Variants in CEP63 observed in about 807,000 individuals in gnomAD.
The protein encoded by CEP63 is centrosomal protein 63, also known as centrosomal protein of 63 kDa.
In CEP63, 84 loss-of-function variants were observed where a neutral mutation model predicts 89.1. The observed-to-expected ratio is 0.94, with a 90% CI of 0.79 to 1.13. The LOEUF (loss-of-function observed/expected upper bound fraction) is 1.13, where lower values mean the gene tolerates loss of function less well. Ranked by LOEUF, CEP63 falls within the 50% of genes most tolerant of loss-of-function variation. The pLI, the probability that CEP63 is intolerant of heterozygous loss-of-function variation, is 0.00. For synonymous variants in CEP63, 267 were observed against 272.5 expected (o/e 0.98, Z 0.20); for missense variants, 838 against 813.3 (o/e 1.03, Z -0.37).
rs1953290250 is a variant in CEP63, at chr3:134,546,248, G to A, written c.889G>A (p.Val297Ile). The change falls in exon 8 of 15, where the codon GTA becomes ATA. Residue 297 changes from valine (V) to isoleucine (I), a missense_variant. Val to Ile is a conservative substitution (Grantham distance 29). Transcript: ENST00000675561. The part of the protein sequence containing the change: ...RIQKEKLQEK[V>I]KATNTQHAVE... ...ACAAAAGGAGAAGTTACAAGAAAAA[G>A]TAAAGGCAACTAACACTCAACATGC... is the stretch of plus-strand genomic sequence containing the variant. The A allele has an allele frequency of 6.2e-7, 1 of 1,613,754 alleles. No individual in the cohort carries two copies. Among genetic ancestry groups the A allele is most frequent in the Admixed American group, 1.7e-5 (1 of 60,002 alleles).
intron 2 of CEP63, among the ~76,000 whole-genome samples, chr3:134,501,721 A>C (rs1218862387): frequency 6.6e-6 from 1 of 152,178 alleles, no homozygotes; most frequent in Non-Finnish European, 1.5e-5. Flanking sequence ...AGGTCTAGGA[A>C]CATTTTGGTA....
chr3:134,486,327 G>C, intron 1 of CEP63, 125 bp downstream of exon 1: 1 of 985,558 alleles, frequency 1.0e-6, no homozygotes, highest in Non-Finnish European at 1.2e-6. Flanking sequence ...GGTGATTCTG[G>C]CTTCGCGGCC....
chr3:134,617,518 TG>T, the CEP63 span, among the ~76,000 whole-genome samples: 1 of 152,222 alleles, frequency 6.6e-6, no homozygotes, highest in Middle Eastern at 3.2e-3. Context: ...AGGTAATTCC[TG>T]TATGCACAGA....
At chr3:134,707,173 G>A in the CEP63 span, among the ~76,000 whole-genome samples, 2 of 152,154 alleles carry the variant, frequency 1.3e-5, no homozygotes, top group African/African-American at 2.4e-5. Context: ...TCTGCACTAG[G>A]TTCTGTCCTA....
At chr3:134,505,985 T>G (rs1210108196) in intron 2 of CEP63, among the ~76,000 whole-genome samples, 1 of 152,164 alleles carries the variant, frequency 6.6e-6, no homozygotes, top group Non-Finnish European at 1.5e-5. Flanking sequence ...TTGGGGGGAC[T>G]TTTTTTGGGT....
the CEP63 span, among the ~76,000 whole-genome samples, chr3:134,698,925 C>T: frequency 6.6e-6 from 1 of 152,198 alleles, no homozygotes; most frequent in Non-Finnish European, 1.5e-5. Context: ...TCAGCACGTC[C>T]TGAATAGATC....
intron 11 of CEP63, among the ~76,000 whole-genome samples, chr3:134,571,760 G>GA (rs1958020891): frequency 6.6e-6 from 1 of 152,146 alleles, no homozygotes. Flanking sequence ...ATTCAGTTAT[G>GA]AAAACCTAAG....
At chr3:134,486,630 G>C in intron 1 of CEP63, 1 of 813,752 alleles carries the variant, frequency 1.2e-6, no homozygotes. Flanking sequence ...AGAGACCCCA[G>C]TGCGGCCTCC....
downstream of CEP63, among the ~76,000 whole-genome samples, chr3:134,579,069 C>T (rs1041156319): frequency 6.6e-6 from 1 of 152,222 alleles, no homozygotes; most frequent in African/African-American, 2.4e-5. Flanking sequence ...CACACCATTT[C>T]TTTAGCAGAA....
chr3:134,559,536 A>ATCATAAGTACTCTTCATTATT (rs1387951964), intron 14 of CEP63, 107 bp downstream of exon 14: 1 of 925,838 alleles, frequency 1.1e-6, no homozygotes, highest in African/African-American at 1.7e-5. Flanking sequence ...TGATTCTTTT[A>ATCATAAGTACTCTTCATTATT]TCATAAGTAC....
chr3:134,768,279 T>C, the CEP63 span, among the ~76,000 whole-genome samples: 3 of 152,070 alleles, frequency 2.0e-5, no homozygotes, highest in African/African-American at 4.8e-5. Flanking sequence ...GCCTGGAGGG[T>C]ATCTGTAACA....
At chr3:134,715,766 C>T in the CEP63 span, among the ~76,000 whole-genome samples, 3 of 152,008 alleles carry the variant, frequency 2.0e-5, no homozygotes, top group Admixed American at 2.0e-4. Flanking sequence ...TCAAATTTCC[C>T]CTTTACAAAA....
At chr3:134,737,814 G>T in the CEP63 span, among the ~76,000 whole-genome samples, 2 of 152,112 alleles carry the variant, frequency 1.3e-5, no homozygotes, top group Non-Finnish European at 2.9e-5. Context: ...TAGAGGTTTG[G>T]GCTATGTTCC....
chr3:134,564,587 C>G lies in CEP63; in HGVS notation c.*3052C>G. On this transcript the variant is annotated 3_prime_UTR_variant, in exon 15 of 15. Coordinates refer to ENST00000675561, the MANE Select transcript of CEP63 (RefSeq NM_001353108.3). ...GCAAATATTGGGTGGATGAAAATCACTACCATTCAAGGCTTCATTGTATTT... is the reference window on the plus strand; with the variant it reads ...GCAAATATTGGGTGGATGAAAATCAGTACCATTCAAGGCTTCATTGTATTT... 8.1e-6 allele frequency: 8 copies of G among 985,422 alleles called. No individual in the cohort carries two copies. The highest frequency in any genetic ancestry group is 9.6e-6 in the Non-Finnish European group (8 of 829,924). 61.0% of individuals were successfully genotyped at this position (985,422 alleles called of 1,614,324 possible). A position where few individuals can be genotyped will look rare whatever the true frequency, so the allele number is the denominator to read the frequency against.
Position 134,564,526 on chromosome 3 carries a change from C to T in CEP63, c.*2991C>T. 1 of 985,480 alleles carries T rather than the reference C, an allele frequency of 1.0e-6. No homozygotes were observed. The highest frequency in any genetic ancestry group is 1.7e-5 in the African/African-American group (1 of 57,370). 61.0% of individuals were successfully genotyped at this position (985,480 alleles called of 1,614,324 possible). A position where few individuals can be genotyped will look rare whatever the true frequency, so the allele number is the denominator to read the frequency against. On this transcript the variant is annotated 3_prime_UTR_variant, in exon 15 of 15. Coordinates refer to ENST00000675561, the MANE Select transcript of CEP63 (RefSeq NM_001353108.3). ...AGGGGCTAAGTCCTGCCTACATCCT[C>T]AGTCAGCATGCTGCCTAACACATAA...
At chr3:134,776,228 A>G in the CEP63 span, among the ~76,000 whole-genome samples, 1 of 152,224 alleles carries the variant, frequency 6.6e-6, no homozygotes, top group African/African-American at 2.4e-5. Flanking sequence ...TCCAGTCAGC[A>G]GCTGGTTCTG....
chr3:134,605,898 A>G, the CEP63 span, among the ~76,000 whole-genome samples: 1 of 152,086 alleles, frequency 6.6e-6, no homozygotes. Context: ...CTCCAATGCC[A>G]TTGCTTCCCC....
chr3:134,515,940 G>T (rs1946097924), intron 3 of CEP63, among the ~76,000 whole-genome samples: 1 of 152,212 alleles, frequency 6.6e-6, no homozygotes, highest in African/African-American at 2.4e-5. Flanking sequence ...TACTTTGTTT[G>T]AAGGGGTGGG....
chr3:134,717,527 G>A, the CEP63 span, among the ~76,000 whole-genome samples: 2 of 152,106 alleles, frequency 1.3e-5, no homozygotes, highest in Non-Finnish European at 2.9e-5. Flanking sequence ...TGCTGTGTTG[G>A]AGCCTCATTC....
Sources: allele counts gnomAD v4.1 joint callset (sites outside exome capture counted in the v4.1 genomes callset), GRCh38; gene constraint gnomAD v4.1.1; transcripts MANE v1.5; gene names NCBI Gene and HGNC (gene_info 2026-07-23, HGNC 2026-07-21).